The following COPA variants were observed in gnomAD, a reference collection of about 807,000 sequenced individuals.
COPA encodes coatomer subunit alpha.
In COPA, 10 loss-of-function variants were observed where a neutral mutation model predicts 158.7. The ratio of observed to expected loss-of-function variants is 0.06; its 90% CI spans 0.04 to 0.11. The LOEUF (loss-of-function observed/expected upper bound fraction) is 0.11. Among genes scored for constraint, COPA ranks in the 10% least tolerant of loss-of-function variants. The pLI, the probability that COPA is intolerant of heterozygous loss-of-function variation, is 1.00. For synonymous variants in COPA, 462 were observed against 542.8 expected, an observed-to-expected ratio of 0.85 and a Z score of 2.07; for missense variants, 1,065 against 1,536.7, an observed-to-expected ratio of 0.69 and a Z score of 5.13.
chr1:160,328,071 G>A (rs1407673844), intron 6 of COPA, among the ~76,000 whole-genome samples: 1 of 152,194 alleles, frequency 6.6e-6, no homozygotes, highest in Non-Finnish European at 1.5e-5. Context: ...TGTCCAAGAT[G>A]AGCATTTAGC....
At chr1:160,308,639 C>T (rs984428275) in intron 13 of COPA, among the ~76,000 whole-genome samples, 4 of 152,126 alleles carry the variant, frequency 2.6e-5, no homozygotes, top group Non-Finnish European at 5.9e-5. Context: ...CAGCTGGATC[C>T]TGGGATCCCA....
At chr1:160,318,206 T>C (rs1659209080) in intron 8 of COPA, among the ~76,000 whole-genome samples, 1 of 151,974 alleles carries the variant, frequency 6.6e-6, no homozygotes, top group Admixed American at 6.6e-5. Flanking sequence ...CGGGTTGAAG[T>C]CAAGATAACT....
At chr1:160,309,006 T>C (rs994207324) in intron 13 of COPA, 95 bp downstream of exon 13, 10 of 969,936 alleles carry the variant, frequency 1.0e-5, no homozygotes, top group African/African-American at 1.6e-5. Flanking sequence ...GATGTGGCCA[T>C]GGCTTGGGGA....
In COPA at chr1:160,292,378, T is replaced by G. The variant is rs528279934; in HGVS notation, c.2960+106A>C. 3.3e-5 allele frequency: 52 copies of G among 1,585,254 alleles called. No individual in the cohort carries two copies. The East Asian group carries it at 9.8e-4, about 30-fold the overall frequency. On this transcript the variant is annotated intron_variant, in intron 28 of 32. Transcript: ENST00000241704. ...TAACAAACCAAAGATCTTTTTCTACTGGGAAACCCTAGCTCTGAGAGAATT... is the reference window on the plus strand; with the variant it reads ...TAACAAACCAAAGATCTTTTTCTACGGGGAAACCCTAGCTCTGAGAGAATT...
At chr1:160,296,982 AT>A in intron 21 of COPA, among the ~76,000 whole-genome samples, 1 of 152,312 alleles carries the variant, frequency 6.6e-6, no homozygotes, top group East Asian at 1.9e-4. Flanking sequence ...TTCTCAAAAA[AT>A]ATCCCTTGAC....
At chr1:160,328,426 G>T (rs1647356541) in intron 6 of COPA, among the ~76,000 whole-genome samples, 1 of 152,198 alleles carries the variant, frequency 6.6e-6, no homozygotes, top group Non-Finnish European at 1.5e-5. Context: ...GATACTCAGA[G>T]AAGAAATATT....
At chr1:160,321,850 C>T (rs1659338798) in intron 8 of COPA, among the ~76,000 whole-genome samples, 1 of 151,914 alleles carries the variant, frequency 6.6e-6, no homozygotes, top group Admixed American at 6.6e-5. Flanking sequence ...CAAGAAATCC[C>T]ATTTATAGTA....
intron 4 of COPA, 111 bp downstream of exon 4, chr1:160,335,131 G>C: frequency 1.1e-6 from 1 of 881,784 alleles, no homozygotes; most frequent in African/African-American, 1.7e-5. Context: ...TTGTAGAAGA[G>C]CCACTCCAAA....
chr1:160,306,302 T>G, intron 15 of COPA, 52 bp downstream of exon 15: 2 of 1,523,206 alleles, frequency 1.3e-6, no homozygotes, highest in Non-Finnish European at 1.8e-6. Flanking sequence ...ACTAAAGATG[T>G]CCACTCTCCC....
intron 8 of COPA, among the ~76,000 whole-genome samples, chr1:160,316,525 C>T (rs6665536): frequency 0.034 from 5,164 of 151,770 alleles, 281 homozygotes; most frequent in African/African-American, 0.12. Context: ...CTGAGGTGGG[C>T]GGATCATCTA....
At chr1:160,329,177 A>G (rs1647392444) in intron 6 of COPA, among the ~76,000 whole-genome samples, 1 of 152,228 alleles carries the variant, frequency 6.6e-6, no homozygotes, top group African/African-American at 2.4e-5. Context: ...AGCTTCTTGC[A>G]CTTTGTTAAA....
chr1:160,334,657 G>A (rs1309447128), intron 4 of COPA, among the ~76,000 whole-genome samples: 1 of 152,110 alleles, frequency 6.6e-6, no homozygotes, highest in Non-Finnish European at 1.5e-5. Flanking sequence ...GTAAGTTAAT[G>A]CTAATACACA....
chr1:160,314,467 C>CA (rs1485469545), intron 8 of COPA, among the ~76,000 whole-genome samples: 3 of 152,038 alleles, frequency 2.0e-5, no homozygotes, highest in African/African-American at 7.2e-5. Context: ...CCCATCTCTA[C>CA]AAAAAATACA....
At chr1:160,313,958 G>A (rs996821130) in intron 9 of COPA, 32 bp downstream of exon 9, 1 of 1,545,836 alleles carries the variant, frequency 6.5e-7, no homozygotes, top group Non-Finnish European at 8.7e-7. Flanking sequence ...GAGAGTAAGA[G>A]AAAGTTCACA....
At chr1:160,338,538 T>G (rs57164464) in intron 3 of COPA, among the ~76,000 whole-genome samples, 1 of 152,186 alleles carries the variant, frequency 6.6e-6, no homozygotes, top group Non-Finnish European at 1.5e-5. Flanking sequence ...AGAGGAAATT[T>G]TGATTTATTT....
chr1:160,297,284 C>CA, intron 21 of COPA, 59 bp downstream of exon 21: 1 of 1,507,654 alleles, frequency 6.6e-7, no homozygotes, highest in Middle Eastern at 1.7e-4. Flanking sequence ...ATTAACTCAA[C>CA]AAAAACAGAA....
At chr1:160,296,208 A>C in intron 21 of COPA, 59 bp from the exon 22 acceptor site, 1 of 1,462,474 alleles carries the variant, frequency 6.8e-7, no homozygotes, top group African/African-American at 1.4e-5. Flanking sequence ...CTGCTGTGGT[A>C]AGCAACCTCT....
chr1:160,326,486 G>C (rs10908773), intron 6 of COPA, among the ~76,000 whole-genome samples: 1 of 152,208 alleles, frequency 6.6e-6, no homozygotes, highest in African/African-American at 2.4e-5. Flanking sequence ...CCATGATGGC[G>C]CCACTGCACT....
chr1:160,325,693 A>G (rs371806645), intron 6 of COPA, 41 bp from the exon 7 acceptor site: 2 of 1,430,866 alleles, frequency 1.4e-6, no homozygotes, highest in Non-Finnish European at 2.0e-6. Context: ...TGTAAACATA[A>G]TATTATCTAA....
Sources: allele counts gnomAD v4.1 joint callset (sites outside exome capture counted in the v4.1 genomes callset), GRCh38; gene constraint gnomAD v4.1.1; transcripts MANE v1.5; gene names NCBI Gene and HGNC (gene_info 2026-07-23, HGNC 2026-07-21).